Variants in RAPGEF4 observed in about 807,000 individuals in gnomAD.
RAPGEF4 encodes the protein Rap guanine nucleotide exchange factor 4, also known as RAP guanine-nucleotide-exchange factor (GEF) 4.
Under a neutral mutation model 147.9 loss-of-function variants are expected in RAPGEF4, and 66 were observed. The ratio of observed to expected loss-of-function variants is 0.45; its 90% CI spans 0.37 to 0.55. The LOEUF is 0.55. Ranked by LOEUF, RAPGEF4 falls within the 20% of genes least tolerant of loss-of-function variation. The probability of loss-of-function intolerance (pLI) is 0.00; values close to 1 mark genes in which losing one functional copy is unlikely to be tolerated. For missense variants in RAPGEF4, 1,071 were observed against 1,257.3 expected, an observed-to-expected ratio of 0.85 and a Z score of 2.24; for synonymous variants, 419 against 442.7, an observed-to-expected ratio of 0.95 and a Z score of 0.67.
intron 1 of RAPGEF4, among the ~76,000 whole-genome samples, chr2:172,749,307 C>G (rs1453181617): frequency 6.6e-6 from 1 of 152,254 alleles, no homozygotes; most frequent in Non-Finnish European, 1.5e-5. Flanking sequence ...AAGCTTCTGC[C>G]TGGACATCCA....
intron 4 of RAPGEF4, among the ~76,000 whole-genome samples, chr2:172,902,292 C>CTTCT (rs1412855738): frequency 1.2e-4 from 13 of 106,520 alleles, no homozygotes; most frequent in Middle Eastern, 4.2e-3. Flanking sequence ...CTGCCTGGAT[C>CTTCT]TTCTTTATTT....
chr2:173,010,671 G>A (rs1575510184), intron 17 of RAPGEF4, among the ~76,000 whole-genome samples: 1 of 152,144 alleles, frequency 6.6e-6, no homozygotes, highest in Non-Finnish European at 1.5e-5. Context: ...TTAAATAAAA[G>A]CTAAAAATTA....
At chr2:172,867,381 G>A (rs1694770638) in intron 4 of RAPGEF4, among the ~76,000 whole-genome samples, 1 of 152,092 alleles carries the variant, frequency 6.6e-6, no homozygotes, top group Admixed American at 6.5e-5. Context: ...TTCTTTTACT[G>A]TCCTTGGGGT....
At chr2:172,931,617 A>G (rs1575285562) in intron 6 of RAPGEF4, among the ~76,000 whole-genome samples, 1 of 152,146 alleles carries the variant, frequency 6.6e-6, no homozygotes, top group Non-Finnish European at 1.5e-5. Flanking sequence ...CCACACCCAA[A>G]CCTTCCTCCA....
chr2:172,948,523 G>T (rs1291121405), intron 6 of RAPGEF4, among the ~76,000 whole-genome samples: 1 of 152,114 alleles, frequency 6.6e-6, no homozygotes, highest in African/African-American at 2.4e-5. Flanking sequence ...ATGTTTTCAG[G>T]ATCCAAGACA....
At chr2:172,963,795 A>C (rs1689541848) in intron 8 of RAPGEF4, among the ~76,000 whole-genome samples, 1 of 152,184 alleles carries the variant, frequency 6.6e-6, no homozygotes, top group African/African-American at 2.4e-5. Context: ...TTATTGCCAC[A>C]GTATTCGGGG....
At chr2:172,996,607 T>TA in intron 16 of RAPGEF4, 53 bp downstream of exon 16, 1 of 1,266,676 alleles carries the variant, frequency 7.9e-7, no homozygotes, top group Non-Finnish European at 1.1e-6. Context: ...TAGCATTGTT[T>TA]AAAAGTCCTG....
At chr2:172,977,222 T>C (rs895376758) in intron 10 of RAPGEF4, among the ~76,000 whole-genome samples, 2 of 152,224 alleles carry the variant, frequency 1.3e-5, no homozygotes, top group African/African-American at 4.8e-5. Flanking sequence ...CCTTCAGTCC[T>C]TGGGACCCTT....
At chr2:172,887,022 T>C (rs532562446) in intron 4 of RAPGEF4, among the ~76,000 whole-genome samples, 1 of 152,192 alleles carries the variant, frequency 6.6e-6, no homozygotes, top group African/African-American at 2.4e-5. Context: ...ACCCTGTCTC[T>C]ACTAAAAATA....
In RAPGEF4 at chr2:172,838,380, C is replaced by T. The variant is rs190165050; in HGVS notation, c.444+23955C>T. Among the ~76,000 whole-genome samples the T allele has an allele frequency of 1.4e-3, 215 of 152,168 alleles. 2 individuals are homozygous for T. Among genetic ancestry groups the T allele is most frequent in the African/African-American group, 4.8e-3 (199 of 41,458 alleles). On this transcript the variant is annotated intron_variant, in intron 4 of 30. Transcript: ENST00000397081. Reference sequence around the variant, plus strand: ...CACCAGAACACACTGGGAAATCCGCCTTTGTTATCCCTGCAATTAGGTTTA... The same window carrying T: ...CACCAGAACACACTGGGAAATCCGCTTTTGTTATCCCTGCAATTAGGTTTA...
rs765196508 is a variant in RAPGEF4, at chr2:173,001,356, T to C, written c.1658+12T>C. ...GCACTGGTGGCCCAATATCCTTTTA[T>C]TGTGATTGTAAGTCCCTATTCCCTC... On this transcript the variant is annotated intron_variant, in intron 17 of 30. Coordinates refer to ENST00000397081, the MANE Select transcript of RAPGEF4 (RefSeq NM_007023.4). The C allele has an allele frequency of 2.5e-6, 4 of 1,613,776 alleles. No homozygotes were observed. Among genetic ancestry groups the C allele is most frequent in the Admixed American group, 1.7e-5 (1 of 59,992 alleles).
intron 6 of RAPGEF4, among the ~76,000 whole-genome samples, chr2:172,953,354 A>G (rs1021848571): frequency 6.8e-6 from 1 of 147,636 alleles, no homozygotes; most frequent in Admixed American, 6.8e-5. Flanking sequence ...CATGATCTCT[A>G]TATATGTATA....
At chr2:172,837,751 A>G (rs1691125620) in intron 4 of RAPGEF4, among the ~76,000 whole-genome samples, 3 of 152,044 alleles carry the variant, frequency 2.0e-5, no homozygotes, top group African/African-American at 4.8e-5. Flanking sequence ...TTTGGTGGTA[A>G]TGGGATCTCA....
intron 6 of RAPGEF4, among the ~76,000 whole-genome samples, chr2:172,948,727 C>G (rs1233965198): frequency 1.3e-5 from 2 of 152,150 alleles, no homozygotes; most frequent in African/African-American, 2.4e-5. Flanking sequence ...ACTGCATGCT[C>G]TCACTTTAAG....
chr2:172,994,394 T>C (rs1308137648), intron 15 of RAPGEF4, among the ~76,000 whole-genome samples: 1 of 152,214 alleles, frequency 6.6e-6, no homozygotes, highest in African/African-American at 2.4e-5. Flanking sequence ...AACTCATGCT[T>C]GTTCTCTGAA....
At chr2:172,989,230 G>T (rs1387382089) in intron 14 of RAPGEF4, among the ~76,000 whole-genome samples, 1 of 152,134 alleles carries the variant, frequency 6.6e-6, no homozygotes, top group Non-Finnish European at 1.5e-5. Flanking sequence ...TCTGCCCCTT[G>T]TCTTTCTCTT....
At chr2:172,866,758 T>C (rs1285547532) in intron 4 of RAPGEF4, among the ~76,000 whole-genome samples, 2 of 152,044 alleles carry the variant, frequency 1.3e-5, no homozygotes, top group African/African-American at 2.4e-5. Flanking sequence ...ACAAAAAACC[T>C]CTCTCAAACA....
chr2:172,800,989 C>A (rs1415887840), intron 3 of RAPGEF4, among the ~76,000 whole-genome samples: 1 of 152,120 alleles, frequency 6.6e-6, no homozygotes, highest in Non-Finnish European at 1.5e-5. Context: ...ATTCCTACCC[C>A]TAGAGACCAG....
intron 10 of RAPGEF4, among the ~76,000 whole-genome samples, chr2:172,969,226 A>G (rs1243225229): frequency 3.3e-5 from 5 of 152,256 alleles, no homozygotes; most frequent in African/African-American, 1.2e-4. Context: ...TTGTTCATTT[A>G]TTGAGTACCT....
Sources: allele counts gnomAD v4.1 joint callset (sites outside exome capture counted in the v4.1 genomes callset), GRCh38; gene constraint gnomAD v4.1.1; transcripts MANE v1.5; gene names NCBI Gene and HGNC (gene_info 2026-07-23, HGNC 2026-07-21).